KIN: variants seen among roughly 807,000 people sequenced by gnomAD.
KIN encodes the protein DNA/RNA-binding protein KIN17.
KIN carries 47 observed loss-of-function variants against 63.0 expected under a neutral mutation model. That is an observed-to-expected ratio of 0.75 (90% CI 0.59 to 0.95). The LOEUF (loss-of-function observed/expected upper bound fraction) is 0.95. Among genes scored for constraint, KIN ranks in the 40% least tolerant of loss-of-function variants. The pLI, the probability that KIN is intolerant of heterozygous loss-of-function variation, is 0.00. For missense variants in KIN, 408 were observed against 460.9 expected (o/e 0.89, Z 1.05); for synonymous variants, 160 against 157.7 (o/e 1.01, Z -0.11).
At chr10:7,763,148 C>T (rs956177202) in intron 10 of KIN, among the ~76,000 whole-genome samples, 15 of 151,860 alleles carry the variant, frequency 9.9e-5, no homozygotes, top group African/African-American at 3.1e-4. Flanking sequence ...CCCAGCTACT[C>T]GGGAGGCTGA....
chr10:7,781,004 C>T (rs1325075567), intron 2 of KIN, among the ~76,000 whole-genome samples: 1 of 152,140 alleles, frequency 6.6e-6, no homozygotes, highest in African/African-American at 2.4e-5. Context: ...TTAATATGTC[C>T]CTCTGAGCTG....
intron 6 of KIN, 79 bp from the exon 7 acceptor site, chr10:7,774,970 T>C (rs1406424707): frequency 1.1e-5 from 11 of 1,041,284 alleles, no homozygotes; most frequent in Admixed American, 1.8e-5. Context: ...TACTACAAAG[T>C]GTTCACAGAG....
chr10:7,759,199 TA>T (rs1835391646), intron 12 of KIN, among the ~76,000 whole-genome samples: 1 of 152,164 alleles, frequency 6.6e-6, no homozygotes. Context: ...GTACTGGAGA[TA>T]AAAAATTCTT....
Position 7,751,320 on chromosome 10 carries a change from ACT to A in KIN, c.*4758_*4759del, listed in dbSNP as rs1417022142. The A allele has an allele frequency of 3.3e-5, 5 of 152,072 alleles. No individual in the cohort carries two copies. The highest frequency in any genetic ancestry group is 6.6e-5 in the Admixed American group (1 of 15,254). 9.4% of individuals were successfully genotyped at this position (152,072 alleles called of 1,614,324 possible). A position where few individuals can be genotyped will look rare whatever the true frequency, so the allele number is the denominator to read the frequency against. The stretch of plus-strand genomic sequence containing the variant: ...AATCATTTTTCATTGTAGAGGCAAA[ACT>A]CTTTTTTTGGACATATCCAACCCAT... On this transcript the variant is annotated 3_prime_UTR_variant, in exon 13 of 13. Coordinates refer to ENST00000379562, the MANE Select transcript of KIN (RefSeq NM_012311.4).
intron 9 of KIN, among the ~76,000 whole-genome samples, chr10:7,764,315 T>C (rs1256923912): frequency 6.6e-6 from 1 of 152,200 alleles, no homozygotes; most frequent in Non-Finnish European, 1.5e-5. Flanking sequence ...CCAGATTAGA[T>C]ATAGCTAAAG....
chr10:7,782,999 T>C (rs928860628), intron 2 of KIN, 82 bp downstream of exon 2: 5 of 582,590 alleles, frequency 8.6e-6, no homozygotes, highest in Non-Finnish European at 1.4e-5. Context: ...TAATAGAACT[T>C]CCAATATTTA....
In KIN at chr10:7,752,005, G is replaced by A. The variant is rs1220112458; in HGVS notation, c.*4075C>T. ...AGCCGAGATTGCGCCACTGCAGTCCGCAGTCCGGCCTGGGCGACAGAGCGA... is the reference window on the plus strand; with the variant it reads ...AGCCGAGATTGCGCCACTGCAGTCCACAGTCCGGCCTGGGCGACAGAGCGA... On this transcript the variant is annotated 3_prime_UTR_variant, in exon 13 of 13. Coordinates refer to ENST00000379562, the MANE Select transcript of KIN (RefSeq NM_012311.4). The A allele has an allele frequency of 3.7e-3, 6 of 1,606 alleles. 3 individuals are homozygous for A. The Admixed American group carries it at 0.049, about 13-fold the overall frequency. The allele number at this position is 1,606 out of a possible 1,614,324, so 0.1% of individuals were successfully genotyped here.
chr10:7,769,406 T>A (rs1835622088), intron 7 of KIN, 61 bp from the exon 8 acceptor site: 1 of 1,516,860 alleles, frequency 6.6e-7, no homozygotes, highest in South Asian at 1.2e-5. Flanking sequence ...TGCTTTACGA[T>A]GTGCAAAATT....
At chr10:7,758,377 T>C (rs1047061322) in intron 12 of KIN, among the ~76,000 whole-genome samples, 12 of 152,148 alleles carry the variant, frequency 7.9e-5, no homozygotes, top group Admixed American at 6.6e-5. Flanking sequence ...GCTGGTAGAT[T>C]CCCTCTTCTA....
Position 7,754,167 on chromosome 10 carries a change from T to C in KIN, c.*1913A>G. 2.3e-6 allele frequency: 1 copy of C among 443,552 alleles called. No homozygotes were observed. Among genetic ancestry groups the C allele is most frequent in the Non-Finnish European group, 4.5e-6 (1 of 221,798 alleles). The allele number at this position is 443,552 out of a possible 1,614,324, so 27.5% of individuals were successfully genotyped here. A position where few individuals can be genotyped will look rare whatever the true frequency, so the allele number is the denominator to read the frequency against. On this transcript the variant is annotated 3_prime_UTR_variant, in exon 13 of 13. Transcript: ENST00000379562. ...CAACATAGCAAGACCTCATCTCTACTAAAAATCAAAAAAATTAGCCAGGCA... is the reference window on the plus strand; with the variant it reads ...CAACATAGCAAGACCTCATCTCTACCAAAAATCAAAAAAATTAGCCAGGCA...
In KIN at chr10:7,751,720, G is replaced by A. The variant is rs984733763; in HGVS notation, c.*4360C>T. 6.6e-6 allele frequency: 1 copy of A among 152,004 alleles called. No homozygotes were observed. The highest frequency in any genetic ancestry group is 2.4e-5 in the African/African-American group (1 of 41,378). 9.4% of individuals were successfully genotyped at this position (152,004 alleles called of 1,614,324 possible). On this transcript the variant is annotated 3_prime_UTR_variant, in exon 13 of 13. Coordinates refer to ENST00000379562, the MANE Select transcript of KIN (RefSeq NM_012311.4). ...ATAGAAAAATATTAAATATTAGAAT[G>A]CTAATATTCAACATAAACTTCAAAA...
In KIN at chr10:7,780,138, G is replaced by A; in HGVS notation, c.294C>T (p.Tyr98=). Residue 98 remains tyrosine (Y), a synonymous_variant, in exon 4 of 13, where the codon TAC becomes TAT. Transcript: ENST00000379562. ...TGTGGATGTGCTCTCGGTGGCTGATGTATTCGTTGTAGACAATGTTGTTGT... is the reference window on the plus strand; with the variant it reads ...TGTGGATGTGCTCTCGGTGGCTGATATATTCGTTGTAGACAATGTTGTTGT... The part of the protein sequence containing the change: ...RVHNNIVYNE[Y]ISHREHIHMN... 2 of 1,613,792 alleles carry A rather than the reference G, an allele frequency of 1.2e-6. No homozygotes were observed. Among genetic ancestry groups the A allele is most frequent in the Non-Finnish European group, 8.5e-7 (1 of 1,179,882 alleles).
intron 7 of KIN, among the ~76,000 whole-genome samples, chr10:7,769,968 T>A (rs1379183597): frequency 6.6e-6 from 1 of 152,214 alleles, no homozygotes; most frequent in Non-Finnish European, 1.5e-5. Flanking sequence ...TCTCACTCTG[T>A]CGCCCAGGCT....
intron 1 of KIN, among the ~76,000 whole-genome samples, chr10:7,785,100 T>C (rs1174884671): frequency 1.3e-5 from 2 of 151,190 alleles, no homozygotes; most frequent in Non-Finnish European, 3.0e-5. Flanking sequence ...AATAAAAAAG[T>C]TAATTAGGCA....
Position 7,769,196 on chromosome 10 carries a change from A to T in KIN, c.798+20T>A. The T allele has an allele frequency of 6.3e-7, 1 of 1,595,682 alleles. No individual in the cohort carries two copies. The highest frequency in any genetic ancestry group is 8.5e-7 in the Non-Finnish European group (1 of 1,173,954). The stretch of plus-strand genomic sequence containing the variant: ...TTTCCTTGGGTTCTAAGGTGTCCAC[A>T]CGCAATCCATAAACTGTACCTCCAT... On this transcript the variant is annotated intron_variant, in intron 8 of 12. Coordinates refer to ENST00000379562, the MANE Select transcript of KIN (RefSeq NM_012311.4).
At chr10:7,758,197 C>G (rs11255343) in intron 12 of KIN, among the ~76,000 whole-genome samples, 2 of 151,726 alleles carry the variant, frequency 1.3e-5, no homozygotes, top group Admixed American at 1.3e-4. Flanking sequence ...CTCAGTCTCC[C>G]GAGCTGGGAC....
chr10:7,765,215 C>T (rs1231730910), intron 9 of KIN, among the ~76,000 whole-genome samples: 1 of 150,146 alleles, frequency 6.7e-6, no homozygotes, highest in African/African-American at 2.5e-5. Context: ...AATCCTAACA[C>T]CCTGGGAAGT....
chr10:7,759,410 G>A (rs921269224), intron 12 of KIN, among the ~76,000 whole-genome samples: 3 of 151,970 alleles, frequency 2.0e-5, no homozygotes, highest in South Asian at 2.1e-4. Flanking sequence ...TGAAAAAAGG[G>A]GAGACATTTT....
In KIN at chr10:7,751,678, C is replaced by T. The variant is rs1431600623; in HGVS notation, c.*4402G>A. On this transcript the variant is annotated 3_prime_UTR_variant, in exon 13 of 13. Coordinates refer to ENST00000379562, the MANE Select transcript of KIN (RefSeq NM_012311.4). ...TTTGAAAAACCTACTGCATCTTTTCCATTTCCTATTTCAAAAATAGAAAAA... is the reference window on the plus strand; with the variant it reads ...TTTGAAAAACCTACTGCATCTTTTCTATTTCCTATTTCAAAAATAGAAAAA... 6.6e-6 allele frequency: 1 copy of T among 152,166 alleles called. No homozygotes were observed. The highest frequency in any genetic ancestry group is 2.1e-4 in the South Asian group (1 of 4,830). 9.4% of individuals were successfully genotyped at this position (152,166 alleles called of 1,614,324 possible).
Sources: gnomAD v4.1 joint callset for allele counts (sites outside exome capture counted in the v4.1 genomes callset) on GRCh38, gnomAD v4.1.1 for gene constraint, MANE v1.5 for transcripts, NCBI Gene and HGNC (gene_info 2026-07-23, HGNC 2026-07-21) for gene names.